Variants in FAAH2 observed in about 807,000 individuals in gnomAD.
The protein encoded by FAAH2 is fatty-acid amide hydrolase 2.
Under a neutral mutation model 36.9 loss-of-function variants are expected in FAAH2, and 60 were observed. The ratio of observed to expected loss-of-function variants is 1.63; its 90% CI spans 1.32 to 2.02. FAAH2 has a LOEUF of 2.02. Ranked by LOEUF, FAAH2 falls within the 30% of genes most tolerant of loss-of-function variation. The probability of loss-of-function intolerance (pLI) is 0.00; values close to 1 mark genes in which losing one functional copy is unlikely to be tolerated. For synonymous variants in FAAH2, 214 were observed against 143.8 expected, an observed-to-expected ratio of 1.49 and a Z score of -3.49; for missense variants, 689 against 397.5, an observed-to-expected ratio of 1.73 and a Z score of -6.23.
chrX:57,436,111 T>A (rs1478697626), intron 8 of FAAH2, among the ~76,000 whole-genome samples: 1 of 111,479 alleles, frequency 9.0e-6, no homozygotes, highest in East Asian at 2.8e-4. Context: ...TGTTCCTTAA[T>A]GATTATTGTG....
the FAAH2 span, among the ~76,000 whole-genome samples, chrX:57,132,758 C>T: frequency 8.9e-6 from 1 of 112,626 alleles, no homozygotes; most frequent in African/African-American, 3.2e-5. Flanking sequence ...CTTGTCTCCC[C>T]TCCATTATTA....
the FAAH2 span, among the ~76,000 whole-genome samples, chrX:57,150,457 A>T: frequency 3.6e-5 from 4 of 112,228 alleles, no homozygotes; most frequent in East Asian, 2.8e-4. Context: ...TATTGGGTGC[A>T]TATGTATTTA....
the FAAH2 span, among the ~76,000 whole-genome samples, chrX:57,220,529 G>A: frequency 7.2e-5 from 8 of 111,827 alleles, no homozygotes; most frequent in South Asian, 2.3e-3. Context: ...GACGACGGCC[G>A]TCAAACCCCA....
chrX:57,162,356 G>A, the FAAH2 span, among the ~76,000 whole-genome samples: 6 of 110,964 alleles, frequency 5.4e-5, no homozygotes, highest in African/African-American at 1.6e-4. Flanking sequence ...TGCTCTTCTC[G>A]AGGAGTATCT....
Position 57,292,585 on chromosome X carries a change from GC to G in FAAH2, c.275+6del. ...CAATGGAATTGTCAAGTACAGGTGA[GC>G]ATTTCCACTCTCTCAAGGAGTCATT... On this transcript the variant is annotated splice_donor_region_variant and intron_variant, in intron 2 of 10. Transcript: ENST00000374900. 2 of 1,199,121 alleles carry G rather than the reference GC, an allele frequency of 1.7e-6. No individual in the cohort carries two copies. The highest frequency in any genetic ancestry group is 2.3e-6 in the Non-Finnish European group (2 of 885,983).
At chrX:57,312,172 G>T (rs1390987719) in intron 3 of FAAH2, among the ~76,000 whole-genome samples, 1 of 112,486 alleles carries the variant, frequency 8.9e-6, no homozygotes, top group East Asian at 2.8e-4. Context: ...TGAGGGAGGT[G>T]CTGTCTCTTT....
At chrX:57,423,529 G>C (rs1270332442) in intron 7 of FAAH2, among the ~76,000 whole-genome samples, 2 of 111,800 alleles carry the variant, frequency 1.8e-5, no homozygotes, top group Non-Finnish European at 3.8e-5. Context: ...GCAGGAGAGA[G>C]CTCCACCAGG....
chrX:57,395,494 T>C (rs1363080928), intron 7 of FAAH2: 1 of 406,539 alleles, frequency 2.5e-6, no homozygotes, highest in African/African-American at 2.5e-5. Flanking sequence ...TTATCCTCAT[T>C]CAGTATGATG....
the FAAH2 span, among the ~76,000 whole-genome samples, chrX:57,231,439 G>A: frequency 9.0e-6 from 1 of 111,185 alleles, no homozygotes; most frequent in Non-Finnish European, 1.9e-5. Context: ...ATAGACCTCT[G>A]TCTAATAGTT....
At chrX:57,329,353 G>C (rs1303823709) in intron 3 of FAAH2, among the ~76,000 whole-genome samples, 1 of 111,386 alleles carries the variant, frequency 9.0e-6, no homozygotes, top group Non-Finnish European at 1.9e-5. Context: ...GCACAAGTCT[G>C]TGTGGGCCCT....
intron 7 of FAAH2, among the ~76,000 whole-genome samples, chrX:57,396,785 A>C (rs937140428): frequency 2.7e-5 from 3 of 112,085 alleles, no homozygotes; most frequent in African/African-American, 9.7e-5. Flanking sequence ...TTCTATATGC[A>C]GATAAGAAAA....
chrX:57,481,691 G>T (rs990930285), intron 10 of FAAH2, among the ~76,000 whole-genome samples: 6 of 111,990 alleles, frequency 5.4e-5, no homozygotes, highest in African/African-American at 1.9e-4. Flanking sequence ...CTGTTGGGAG[G>T]TCTCTCCCAG....
the FAAH2 span, among the ~76,000 whole-genome samples, chrX:57,267,354 C>T: frequency 2.7e-5 from 3 of 113,032 alleles, no homozygotes; most frequent in Non-Finnish European, 3.7e-5. Flanking sequence ...TCTGCCAGTG[C>T]TCTGCTTTTT....
chrX:57,394,122 G>A, intron 7 of FAAH2: 1 of 719,236 alleles, frequency 1.4e-6, no homozygotes, highest in Admixed American at 2.2e-5. Flanking sequence ...TCACCTGTGA[G>A]GTGAAGATTA....
At chrX:57,172,186 A>G in the FAAH2 span, among the ~76,000 whole-genome samples, 1 of 111,988 alleles carries the variant, frequency 8.9e-6, no homozygotes, top group Non-Finnish European at 1.9e-5. Context: ...AGGTAATGTG[A>G]TACCTATAGC....
the FAAH2 span, among the ~76,000 whole-genome samples, chrX:57,243,382 C>T: frequency 1.4e-4 from 16 of 112,419 alleles, no homozygotes; most frequent in Non-Finnish European, 2.8e-4. Context: ...TCTCCCAGCA[C>T]AGCACTCGAG....
chrX:57,252,140 C>A, the FAAH2 span, among the ~76,000 whole-genome samples: 1 of 112,617 alleles, frequency 8.9e-6, no homozygotes, highest in Non-Finnish European at 1.9e-5. Flanking sequence ...CTGAGATTAA[C>A]CTGGGATGCT....
In FAAH2 at chrX:57,467,629, C is replaced by G. The variant is rs748902388; in HGVS notation, c.1423+18911C>G. Among the ~76,000 whole-genome samples the G allele has an allele frequency of 3.6e-5, 4 of 112,000 alleles. No individual in the cohort carries two copies. The South Asian group carries it at 1.5e-3, about 42-fold the overall frequency. On this transcript the variant is annotated intron_variant, in intron 10 of 10. Coordinates refer to ENST00000374900, the MANE Select transcript of FAAH2 (RefSeq NM_174912.4). ...ATCTTGAACTGGGTGGAGCCCACCA[C>G]AGCTCAAGGAGGCCTGCCTGACTCT...
chrX:57,489,154 C>T lies in FAAH2; in HGVS notation c.*222C>T, dbSNP rs1414938371. 5.4e-6 allele frequency: 2 copies of T among 369,533 alleles called. No homozygotes were observed. Among genetic ancestry groups the T allele is most frequent in the African/African-American group, 5.2e-5 (2 of 38,211 alleles). 30.5% of individuals were successfully genotyped at this position (369,533 alleles called of 1,213,427 possible). ...CTTTTATGTTACTGGAAAATTAGGA[C>T]ATGTAAATGGATAAGTGCAATAAAG... On this transcript the variant is annotated 3_prime_UTR_variant, in exon 11 of 11. Transcript: ENST00000374900.
Sources: gnomAD v4.1 joint callset for allele counts (sites outside exome capture counted in the v4.1 genomes callset) on GRCh38, gnomAD v4.1.1 for gene constraint, MANE v1.5 for transcripts, NCBI Gene and HGNC (gene_info 2026-07-23, HGNC 2026-07-21) for gene names.